The following ATXN7L1 variants were observed in gnomAD, a reference collection of about 807,000 sequenced individuals.
ATXN7L1 encodes the protein ataxin 7 like 1.
ATXN7L1 carries 15 observed loss-of-function variants against 70.8 expected under a neutral mutation model. That is an observed-to-expected ratio of 0.21 (90% CI 0.14 to 0.33). ATXN7L1 has a LOEUF of 0.33. ATXN7L1 is among the 10% of genes least tolerant of loss of function. The pLI is 1.00. For synonymous variants in ATXN7L1, 440 were observed against 445.1 expected (o/e 0.99, Z 0.14); for missense variants, 975 against 1,097.1 (o/e 0.89, Z 1.57).
chr7:105,838,734 C>T (rs1326099425), intron 2 of ATXN7L1, among the ~76,000 whole-genome samples: 1 of 152,302 alleles, frequency 6.6e-6, no homozygotes, highest in Non-Finnish European at 1.5e-5. Context: ...GTCTGGCACC[C>T]AAACAAGGGC....
chr7:105,819,258 G>A (rs1207476474), intron 2 of ATXN7L1, among the ~76,000 whole-genome samples: 1 of 151,962 alleles, frequency 6.6e-6, no homozygotes, highest in African/African-American at 2.4e-5. Flanking sequence ...TCACTGGGAG[G>A]GGTTCACAAA....
chr7:105,780,582 C>G (rs1476919671), intron 3 of ATXN7L1, among the ~76,000 whole-genome samples: 6 of 151,400 alleles, frequency 4.0e-5, no homozygotes, highest in Non-Finnish European at 8.8e-5. Context: ...GCAGTGACAT[C>G]CAAGGATTAT....
chr7:105,778,242 C>T (rs1442488152), intron 3 of ATXN7L1, among the ~76,000 whole-genome samples: 1 of 151,320 alleles, frequency 6.6e-6, no homozygotes, highest in Non-Finnish European at 1.5e-5. Flanking sequence ...TGTGGTGGCT[C>T]ATACCTGTAG....
intron 9 of ATXN7L1, 51 bp downstream of exon 9, chr7:105,620,149 G>GT: frequency 6.5e-7 from 1 of 1,542,512 alleles, no homozygotes; most frequent in Non-Finnish European, 8.8e-7. Context: ...TAAGTTTCAG[G>GT]TAACTGTGGG....
At chr7:105,641,500 A>G (rs1248627132) in intron 5 of ATXN7L1, among the ~76,000 whole-genome samples, 4 of 152,208 alleles carry the variant, frequency 2.6e-5, no homozygotes, top group African/African-American at 9.7e-5. Context: ...CACAAAATGC[A>G]AAAACAATGT....
chr7:105,793,799 G>A (rs1364287881), intron 2 of ATXN7L1, among the ~76,000 whole-genome samples: 1 of 152,172 alleles, frequency 6.6e-6, no homozygotes, highest in African/African-American at 2.4e-5. Flanking sequence ...AGAGTGATCT[G>A]GTCACCCCCT....
At chr7:105,647,783 C>A (rs935713020) in intron 4 of ATXN7L1, among the ~76,000 whole-genome samples, 1 of 152,232 alleles carries the variant, frequency 6.6e-6, no homozygotes, top group African/African-American at 2.4e-5. Flanking sequence ...GCACCAGGTC[C>A]CAACATTTGG....
intron 3 of ATXN7L1, among the ~76,000 whole-genome samples, chr7:105,735,610 C>T (rs1797289366): frequency 6.6e-6 from 1 of 152,208 alleles, no homozygotes; most frequent in Non-Finnish European, 1.5e-5. Flanking sequence ...GCCTACTACC[C>T]AGTTTCAACA....
chr7:105,649,334 C>T (rs1799523119), intron 4 of ATXN7L1: 7 of 980,676 alleles, frequency 7.1e-6, no homozygotes, highest in South Asian at 9.4e-5. Flanking sequence ...ACCTCTGTCT[C>T]GGTCCTGGGA....
At position 105,819,544 on chromosome 7, in the gene ATXN7L1, G is replaced by T. The variant is rs1382796129; in HGVS notation, c.251-30836C>A. On this transcript the variant is annotated intron_variant, in intron 2 of 11. Coordinates refer to ENST00000419735, the MANE Select transcript of ATXN7L1 (RefSeq NM_020725.2). Reference sequence around the variant, plus strand: ...GATGGTCGAGGCCATCTCCTGGGCCGCCTGGCGGCCATCGTGGCTAAGTAG... The same window carrying T: ...GATGGTCGAGGCCATCTCCTGGGCCTCCTGGCGGCCATCGTGGCTAAGTAG... 10 of 1,388,162 alleles carry T rather than the reference G, an allele frequency of 7.2e-6. No individual in the cohort carries two copies. In the East Asian group the frequency reaches 2.1e-4, roughly 29 times the overall value. The allele number at this position is 1,388,162 out of a possible 1,614,324, so 86.0% of individuals were successfully genotyped here.
intron 3 of ATXN7L1, among the ~76,000 whole-genome samples, chr7:105,764,023 T>G (rs1373973643): frequency 2.0e-5 from 3 of 152,036 alleles, no homozygotes; most frequent in African/African-American, 7.2e-5. Flanking sequence ...CCAGCTAATT[T>G]TTATATTTTT....
intron 2 of ATXN7L1, among the ~76,000 whole-genome samples, chr7:105,861,000 C>T (rs984664610): frequency 6.6e-6 from 1 of 152,058 alleles, no homozygotes; most frequent in African/African-American, 2.4e-5. Context: ...GCACAGGGTG[C>T]GGAGAAGGTC....
Position 105,876,451 on chromosome 7 carries a change from C to A in ATXN7L1, c.108G>T (p.Val36=). 1 of 1,613,836 alleles carries A rather than the reference C, an allele frequency of 6.2e-7. No homozygotes were observed. Among genetic ancestry groups the A allele is most frequent in the Non-Finnish European group, 8.5e-7 (1 of 1,179,892 alleles). The change falls in exon 1 of 12, where the codon GTG becomes GTT. Residue 36 remains valine (V), a synonymous_variant. Transcript: ENST00000419735. ...TGCCCAGAAACGCCTCCGGACTGGG[C>A]ACTTTGCGATCCAGTGTCGCCATTG... ...GRAMATLDRK[V]PSPEAFLGKP...
intron 2 of ATXN7L1, among the ~76,000 whole-genome samples, chr7:105,842,161 T>G: frequency 6.6e-6 from 1 of 151,916 alleles, no homozygotes; most frequent in East Asian, 1.9e-4. Flanking sequence ...CAATGTATAT[T>G]GTCATCTTAC....
At chr7:105,793,935 TCATCCATC>T (rs1166761935) in intron 2 of ATXN7L1, among the ~76,000 whole-genome samples, 3 of 152,056 alleles carry the variant, frequency 2.0e-5, no homozygotes, top group African/African-American at 7.2e-5. Context: ...AGACATGTAG[TCATCCATC>T]CATCTATCCA....
chr7:105,668,789 G>A (rs1239101590), intron 3 of ATXN7L1, among the ~76,000 whole-genome samples: 11 of 151,992 alleles, frequency 7.2e-5, no homozygotes, highest in African/African-American at 2.4e-4. Context: ...CTATAATCCT[G>A]GCACTTTGGC....
chr7:105,734,543 G>A (rs1797164376), intron 3 of ATXN7L1, among the ~76,000 whole-genome samples: 1 of 152,040 alleles, frequency 6.6e-6, no homozygotes, highest in Non-Finnish European at 1.5e-5. Flanking sequence ...TCTGACTCAA[G>A]CGTGCACCAG....
At chr7:105,658,098 A>G (rs1210446054) in intron 4 of ATXN7L1, among the ~76,000 whole-genome samples, 1 of 152,146 alleles carries the variant, frequency 6.6e-6, no homozygotes, top group Non-Finnish European at 1.5e-5. Context: ...GTGTCACTTC[A>G]TGATGGGGCT....
chr7:105,683,890 G>A (rs752259792), intron 3 of ATXN7L1, among the ~76,000 whole-genome samples: 2 of 152,098 alleles, frequency 1.3e-5, no homozygotes, highest in African/African-American at 2.4e-5. Flanking sequence ...TTCTCCCATG[G>A]ACTCAGATCT....
Sources: allele counts gnomAD v4.1 joint callset (sites outside exome capture counted in the v4.1 genomes callset), GRCh38; gene constraint gnomAD v4.1.1; transcripts MANE v1.5; gene names NCBI Gene and HGNC (gene_info 2026-07-23, HGNC 2026-07-21).